Variants in ANKFN1 observed in about 807,000 individuals in gnomAD.
ANKFN1 encodes the protein ankyrin repeat and fibronectin type III domain containing 1.
A neutral mutation model predicts 108.7 loss-of-function variants in ANKFN1; 74 were observed. The ratio of observed to expected loss-of-function variants is 0.68; its 90% confidence interval spans 0.56 to 0.83. ANKFN1 has a LOEUF of 0.83. ANKFN1 is among the 40% of genes least tolerant of loss of function. ANKFN1 has a pLI of 0.00. For synonymous variants in ANKFN1, 547 were observed against 516.2 expected (o/e 1.06, Z -0.81); for missense variants, 1,505 against 1,382.3 (o/e 1.09, Z -1.41).
intron 16 of ANKFN1, 79 bp from the exon 17 acceptor site, chr17:56,480,589 G>GAC: frequency 6.8e-7 from 1 of 1,463,764 alleles, no homozygotes. Context: ...CCAGGTTCTG[G>GAC]ACACATACAC....
chr17:56,341,992 T>C (rs867108922), intron 4 of ANKFN1, among the ~76,000 whole-genome samples: 2 of 152,056 alleles, frequency 1.3e-5, no homozygotes, highest in Non-Finnish European at 2.9e-5. Context: ...AACTCATTAT[T>C]GGCCTCTTCA....
At chr17:56,050,689 G>A (rs938513480) in intron 4 of ANKFN1, among the ~76,000 whole-genome samples, 1 of 151,784 alleles carries the variant, frequency 6.6e-6, no homozygotes, top group African/African-American at 2.4e-5. Context: ...GTTTGTCAAA[G>A]ATCAGATAGT....
At chr17:56,273,029 C>A (rs1352663562) in intron 3 of ANKFN1, among the ~76,000 whole-genome samples, 1 of 152,168 alleles carries the variant, frequency 6.6e-6, no homozygotes, top group South Asian at 2.1e-4. Flanking sequence ...CATCTTAACA[C>A]CCTAAGACAT....
At chr17:56,089,571 A>C (rs903567016) in intron 4 of ANKFN1, among the ~76,000 whole-genome samples, 1 of 151,478 alleles carries the variant, frequency 6.6e-6, no homozygotes, top group Non-Finnish European at 1.5e-5. Context: ...AGTTATTTTA[A>C]GATTTGCCAG....
At chr17:56,195,890 A>G (rs1420626908) in intron 1 of ANKFN1, among the ~76,000 whole-genome samples, 1 of 152,222 alleles carries the variant, frequency 6.6e-6, no homozygotes, top group Non-Finnish European at 1.5e-5. Flanking sequence ...GTATATATAT[A>G]TGCCACATTA....
At chr17:56,508,695 T>C (rs1236250798) in intron 20 of ANKFN1, among the ~76,000 whole-genome samples, 1 of 152,226 alleles carries the variant, frequency 6.6e-6, no homozygotes, top group Non-Finnish European at 1.5e-5. Context: ...CCTGTCCCGA[T>C]AAAATATAAT....
chr17:56,391,480 G>T (rs1199390946), intron 8 of ANKFN1, among the ~76,000 whole-genome samples: 1 of 150,810 alleles, frequency 6.6e-6, no homozygotes, highest in Non-Finnish European at 1.5e-5. Flanking sequence ...AGGCTGGAGT[G>T]CAGTGGCGCT....
intron 3 of ANKFN1, among the ~76,000 whole-genome samples, chr17:56,319,685 C>G (rs1265192383): frequency 6.6e-6 from 1 of 152,160 alleles, no homozygotes; most frequent in East Asian, 1.9e-4. Context: ...TCATAAGAAG[C>G]AACCTGTGCT....
chr17:56,295,140 G>C (rs889173636), intron 3 of ANKFN1, among the ~76,000 whole-genome samples: 1 of 152,198 alleles, frequency 6.6e-6, no homozygotes, highest in Non-Finnish European at 1.5e-5. Context: ...CCACCGCTGG[G>C]AGTTAAGGGC....
intron 4 of ANKFN1, among the ~76,000 whole-genome samples, chr17:56,133,151 A>C (rs571205044): frequency 6.6e-6 from 1 of 152,336 alleles, no homozygotes; most frequent in East Asian, 1.9e-4. Flanking sequence ...GTCAGTAAAC[A>C]TGATATCGAC....
chr17:56,085,568 A>T (rs1269970004), intron 4 of ANKFN1, among the ~76,000 whole-genome samples: 1 of 151,234 alleles, frequency 6.6e-6, no homozygotes, highest in African/African-American at 2.4e-5. Flanking sequence ...GTTTTAAGCC[A>T]CTGAGTTTGT....
chr17:56,094,513 T>A (rs1432726898), intron 4 of ANKFN1, among the ~76,000 whole-genome samples: 1 of 123,580 alleles, frequency 8.1e-6, no homozygotes, highest in African/African-American at 3.9e-5. Context: ...CGAAGTCTTG[T>A]TTTGTCGCCA....
At chr17:56,096,184 T>A (rs1905529703) in intron 4 of ANKFN1, among the ~76,000 whole-genome samples, 1 of 152,194 alleles carries the variant, frequency 6.6e-6, no homozygotes, top group Non-Finnish European at 1.5e-5. Context: ...TGCTATGAGC[T>A]ACGTTTCCAC....
intron 4 of ANKFN1, among the ~76,000 whole-genome samples, chr17:56,339,419 T>C (rs975387308): frequency 6.6e-6 from 1 of 152,052 alleles, no homozygotes; most frequent in Admixed American, 6.6e-5. Flanking sequence ...GTGTTAAGCC[T>C]AGTACCCATT....
At chr17:56,153,378 G>A, upstream of ANKFN1, 1 of 1,150,148 alleles carries the variant, frequency 8.7e-7, no homozygotes, top group Non-Finnish European at 1.3e-6. Flanking sequence ...CCGTGGGAGA[G>A]GCAGCCATGC....
intron 8 of ANKFN1, among the ~76,000 whole-genome samples, chr17:56,425,601 GT>G (rs2048537902): frequency 6.6e-6 from 1 of 151,934 alleles, no homozygotes; most frequent in South Asian, 2.1e-4. Flanking sequence ...CCTGTTCCTT[GT>G]AATTGCCTTG....
chr17:56,283,571 A>C lies in ANKFN1; in HGVS notation c.54-42650A>C, dbSNP rs1178650523. On this transcript the variant is annotated intron_variant, in intron 3 of 20. Transcript: ENST00000682825. ...TACTACTCAGCCATAAAAAGGAATG[A>C]ATTAATGGCATTCGCAGCAACCTGG... Among the ~76,000 whole-genome samples the C allele has an allele frequency of 3.3e-5, 5 of 151,366 alleles. No individual in the cohort carries two copies. In the East Asian group the frequency reaches 9.7e-4, roughly 29 times the overall value.
chr17:56,367,860 G>T (rs1192831723), intron 6 of ANKFN1, among the ~76,000 whole-genome samples: 1 of 152,158 alleles, frequency 6.6e-6, no homozygotes, highest in Non-Finnish European at 1.5e-5. Context: ...CAGCCAAACT[G>T]AGTTCACCAA....
At position 56,503,434 on chromosome 17, in the gene ANKFN1, A is replaced by T. The variant is rs188485837; in HGVS notation, c.2644+4336A>T. On this transcript the variant is annotated intron_variant, in intron 20 of 20. Coordinates refer to ENST00000682825, the MANE Select transcript of ANKFN1 (RefSeq NM_001370326.1). ...CAATAAAAGTCTTCATTTATAAATT[A>T]TTTAAAGTCTACTCAAACACAGTGG... is the stretch of plus-strand genomic sequence containing the variant. 1.6e-4 allele frequency among the ~76,000 whole-genome samples: 23 copies of T among 144,952 alleles called. 1 individual carries two copies. The East Asian group carries it at 4.6e-3, about 29-fold the overall frequency.
Sources: gnomAD v4.1 joint callset for allele counts (sites outside exome capture counted in the v4.1 genomes callset) on GRCh38, gnomAD v4.1.1 for gene constraint, MANE v1.5 for transcripts, NCBI Gene and HGNC (gene_info 2026-07-23, HGNC 2026-07-21) for gene names.